DOCK3: variants seen among roughly 807,000 people sequenced by gnomAD.
DOCK3 encodes dedicator of cytokinesis 3.
In DOCK3, 60 loss-of-function variants were observed where a neutral mutation model predicts 265.6. That is an observed-to-expected ratio of 0.23 (90% confidence interval 0.18 to 0.28). DOCK3 has a LOEUF of 0.28. Ranked by LOEUF, DOCK3 falls within the 10% of genes least tolerant of loss-of-function variation. The probability of loss-of-function intolerance (pLI) is 1.00; values close to 1 mark genes in which losing one functional copy is unlikely to be tolerated. For missense variants in DOCK3, 1,981 were observed against 2,594.3 expected, an observed-to-expected ratio of 0.76 and a Z score of 5.14; for synonymous variants, 881 against 938.0, an observed-to-expected ratio of 0.94 and a Z score of 1.11.
intron 5 of DOCK3, among the ~76,000 whole-genome samples, chr3:51,011,319 A>C (rs964837597): frequency 6.6e-6 from 1 of 151,808 alleles, no homozygotes; most frequent in Non-Finnish European, 1.5e-5. Context: ...GGCTTTGTTC[A>C]TTTCTTTTTA....
chr3:51,366,640 C>T (rs576343506), intron 49 of DOCK3, among the ~76,000 whole-genome samples: 2 of 152,266 alleles, frequency 1.3e-5, no homozygotes, highest in East Asian at 3.9e-4. Flanking sequence ...CTATAAATTT[C>T]CTTCTACACA....
Position 50,701,127 on chromosome 3 carries a change from G to GTTT in DOCK3, c.37+25846_37+25848dup, listed in dbSNP as rs372596576. On this transcript the variant is annotated intron_variant, in intron 1 of 52. Transcript: ENST00000266037. ...TCTATACAGATCCTTTGTGGCCCTT[G>GTTT]TTTTTTTTTTTTTTTTTTTTTAAGA... Among the ~76,000 whole-genome samples, 293 of 113,458 alleles carry GTTT rather than the reference G, an allele frequency of 2.6e-3. 2 individuals carry two copies. Among genetic ancestry groups the GTTT allele is most frequent in the African/African-American group, 7.8e-3 (239 of 30,478 alleles). 74.4% of individuals were successfully genotyped at this position (113,458 alleles called of 152,430 possible).
At chr3:51,027,450 G>A (rs1258430091) in intron 5 of DOCK3, among the ~76,000 whole-genome samples, 1 of 152,028 alleles carries the variant, frequency 6.6e-6, no homozygotes. Flanking sequence ...GTATTCTGTA[G>A]ATGTCTATTG....
chr3:50,993,544 C>T (rs2078180636), intron 5 of DOCK3, among the ~76,000 whole-genome samples: 1 of 152,194 alleles, frequency 6.6e-6, no homozygotes, highest in Admixed American at 6.5e-5. Context: ...AGACTTCTAT[C>T]CTCCTCTGCA....
intron 2 of DOCK3, among the ~76,000 whole-genome samples, chr3:50,814,420 C>T (rs1445795737): frequency 9.8e-6 from 1 of 102,420 alleles, no homozygotes; most frequent in African/African-American, 3.6e-5. Context: ...GCACACCCCA[C>T]CATGCCAGAC....
At chr3:50,860,641 T>C (rs951327947) in intron 3 of DOCK3, among the ~76,000 whole-genome samples, 1 of 152,164 alleles carries the variant, frequency 6.6e-6, no homozygotes, top group African/African-American at 2.4e-5. Flanking sequence ...AGATGTGCTG[T>C]GCTTGGGGTC....
At chr3:51,021,090 C>T (rs1264371459) in intron 5 of DOCK3, among the ~76,000 whole-genome samples, 1 of 151,944 alleles carries the variant, frequency 6.6e-6, no homozygotes. Flanking sequence ...ATTGATTCTT[C>T]CTATCCATGA....
rs183732583 is a variant in DOCK3 at position 50,928,019 on chromosome 3, C to T, written c.219-5962C>T. On this transcript the variant is annotated intron_variant, in intron 4 of 52. Transcript: ENST00000266037. ...CCTGACCTGCATTCTAGAGAGATTT[C>T]ATCAGTACTGTCTTGCAGCTGTTTT... Among the ~76,000 whole-genome samples the T allele has an allele frequency of 2.0e-3, 299 of 152,014 alleles. 1 individual carries two copies. Among genetic ancestry groups the T allele is most frequent in the Non-Finnish European group, 3.1e-3 (209 of 67,972 alleles).
intron 22 of DOCK3, among the ~76,000 whole-genome samples, chr3:51,257,679 C>T (rs1053097845): frequency 6.6e-6 from 1 of 152,114 alleles, no homozygotes; most frequent in African/African-American, 2.4e-5. Flanking sequence ...ATGGTAATAA[C>T]TTTTAGGATC....
rs2086460275 is a variant in DOCK3, at chr3:51,357,747, T to C, written c.4684-11T>C. On this transcript the variant is annotated splice_polypyrimidine_tract_variant and intron_variant, in intron 44 of 52. Coordinates refer to ENST00000266037, the MANE Select transcript of DOCK3 (RefSeq NM_004947.5). The stretch of plus-strand genomic sequence containing the variant: ...GGAAGAGTCTTCCTGACTTGGCCTT[T>C]CCTTTCACAGGCCTTCTTTGATAAA... The C allele has an allele frequency of 1.2e-6, 2 of 1,613,976 alleles. No individual in the cohort carries two copies. The highest frequency in any genetic ancestry group is 1.7e-6 in the Non-Finnish European group (2 of 1,179,878).
At chr3:50,825,487 C>G (rs1363441048) in intron 2 of DOCK3, among the ~76,000 whole-genome samples, 1 of 152,168 alleles carries the variant, frequency 6.6e-6, no homozygotes, top group African/African-American at 2.4e-5. Flanking sequence ...TTGATGGCCA[C>G]TCTTGTCTCC....
intron 27 of DOCK3, among the ~76,000 whole-genome samples, chr3:51,301,443 T>C (rs945453996): frequency 6.6e-6 from 1 of 152,104 alleles, no homozygotes; most frequent in East Asian, 1.9e-4. Context: ...TCCTGTCTTC[T>C]GCTAGCTTTT....
intron 5 of DOCK3, among the ~76,000 whole-genome samples, chr3:51,040,722 A>G (rs1175408766): frequency 2.0e-5 from 3 of 152,210 alleles, no homozygotes; most frequent in Non-Finnish European, 2.9e-5. Context: ...TTATCAATAA[A>G]GTTTATGTAA....
At chr3:51,101,025 G>A (rs947682707) in intron 9 of DOCK3, among the ~76,000 whole-genome samples, 7 of 149,314 alleles carry the variant, frequency 4.7e-5, no homozygotes, top group African/African-American at 1.5e-4. Context: ...GACTGATCTC[G>A]AACTCTTGGC....
At chr3:51,297,006 T>C (rs144342056) in intron 27 of DOCK3, among the ~76,000 whole-genome samples, 2,191 of 149,808 alleles carry the variant, frequency 0.015, 16 homozygotes, top group South Asian at 0.041. Context: ...TAATCCCAGC[T>C]ACTCAGGAGG....
chr3:50,765,927 C>A (rs976530395), intron 1 of DOCK3, among the ~76,000 whole-genome samples: 1 of 152,130 alleles, frequency 6.6e-6, no homozygotes, highest in African/African-American at 2.4e-5. Context: ...CTTAACCACC[C>A]CCAGCCCCTG....
chr3:51,139,400 T>A (rs1208388901), intron 9 of DOCK3, among the ~76,000 whole-genome samples: 1 of 152,164 alleles, frequency 6.6e-6, no homozygotes, highest in Non-Finnish European at 1.5e-5. Flanking sequence ...GGTTGATTTG[T>A]GCTATCTCAT....
intron 3 of DOCK3, among the ~76,000 whole-genome samples, chr3:50,878,954 A>G (rs1488544079): frequency 4.6e-5 from 7 of 152,220 alleles, no homozygotes; most frequent in Admixed American, 3.9e-4. Flanking sequence ...ACAAGCCAGA[A>G]GAGAGTGGGG....
intron 24 of DOCK3, among the ~76,000 whole-genome samples, chr3:51,272,717 C>T (rs2080574984): frequency 6.6e-6 from 1 of 152,050 alleles, no homozygotes; most frequent in African/African-American, 2.4e-5. Flanking sequence ...GTAAAGCTGC[C>T]ACCAAGAAAG....
Sources: allele counts gnomAD v4.1 joint callset (sites outside exome capture counted in the v4.1 genomes callset), GRCh38; gene constraint gnomAD v4.1.1; transcripts MANE v1.5; gene names NCBI Gene and HGNC (gene_info 2026-07-23, HGNC 2026-07-21).